Variants in DYM observed in about 807,000 individuals in gnomAD.
DYM encodes the protein dyggve-Melchior-Clausen syndrome protein.
Under a neutral mutation model 93.1 loss-of-function variants are expected in DYM, and 78 were observed. That is an observed-to-expected ratio of 0.84 (90% CI 0.70 to 1.01). The LOEUF (loss-of-function observed/expected upper bound fraction) is 1.01. Among genes scored for constraint, DYM ranks in the 50% least tolerant of loss-of-function variants. DYM has a pLI of 0.00. For missense variants in DYM, 789 were observed against 845.0 expected (o/e 0.93, Z 0.82); for synonymous variants, 321 against 319.7 (o/e 1.00, Z -0.04).
intron 16 of DYM, among the ~76,000 whole-genome samples, chr18:49,100,837 G>A (rs1393015348): frequency 1.3e-5 from 2 of 152,202 alleles, no homozygotes; most frequent in African/African-American, 2.4e-5. Context: ...GCAAGTGGGA[G>A]GAGTAGGACT....
intron 15 of DYM, among the ~76,000 whole-genome samples, chr18:49,134,370 T>C (rs925819419): frequency 1.1e-4 from 16 of 152,230 alleles, no homozygotes; most frequent in Admixed American, 8.5e-4. Flanking sequence ...CACCTCACTT[T>C]ATTTTTCAAG....
rs1022759039 is a variant in DYM, at chr18:49,059,232, G to A, written c.2026-15028C>T. 5.9e-5 allele frequency among the ~76,000 whole-genome samples: 9 copies of A among 152,216 alleles called. No homozygotes were observed. The East Asian group carries it at 1.2e-3, about 20-fold the overall frequency. ...GACACAGCTAGAGGGTGCTGTCTAC[G>A]AACCACAAAGTGGGCCCTCAGCAGA... On this transcript the variant is annotated intron_variant, in intron 17 of 17. Transcript: ENST00000675505.
chr18:49,128,311 G>C (rs8097216), intron 15 of DYM, among the ~76,000 whole-genome samples: 16,162 of 152,162 alleles, frequency 0.11, 1,132 homozygotes, highest in East Asian at 0.26. Flanking sequence ...CCAGAGCTTG[G>C]TGTTCTGTTT....
At chr18:49,410,234 T>G (rs2072073908) in intron 2 of DYM, among the ~76,000 whole-genome samples, 1 of 151,794 alleles carries the variant, frequency 6.6e-6, no homozygotes, top group South Asian at 2.1e-4. Flanking sequence ...CCCAGCAAAT[T>G]TTTTTTTGTA....
chr18:49,134,707 A>C (rs2083672110), intron 15 of DYM, among the ~76,000 whole-genome samples: 1 of 152,228 alleles, frequency 6.6e-6, no homozygotes, highest in Non-Finnish European at 1.5e-5. Context: ...TGTCTTAAGC[A>C]CTGAGAATAG....
chr18:49,323,628 C>T (rs1274478366), intron 8 of DYM, among the ~76,000 whole-genome samples: 2 of 152,180 alleles, frequency 1.3e-5, no homozygotes, highest in Non-Finnish European at 2.9e-5. Context: ...TGGACATCTG[C>T]AAGTCAGGAA....
intron 8 of DYM, among the ~76,000 whole-genome samples, chr18:49,290,710 A>C (rs1043942556): frequency 6.6e-6 from 1 of 152,080 alleles, no homozygotes; most frequent in African/African-American, 2.4e-5. Flanking sequence ...GCAAATACAC[A>C]TATCTATGCA....
rs371845180 is a variant in DYM at position 49,419,368 on chromosome 18, AAAAATAAAAT to A, written c.140+10877_140+10886del. On this transcript the variant is annotated intron_variant, in intron 2 of 17. Coordinates refer to ENST00000675505, the MANE Select transcript of DYM (RefSeq NM_001353214.3). ...AGCAAGACTCTGTCTCAAAAATTAA[AAAAATAAAAT>A]AAAATAAAATAAAATTTGAGTAAAA... 4.2e-4 allele frequency among the ~76,000 whole-genome samples: 64 copies of A among 152,276 alleles called. 1 individual carries two copies. The South Asian group carries it at 0.013, about 31-fold the overall frequency.
At chr18:49,194,868 T>A (rs1191637270) in intron 14 of DYM, among the ~76,000 whole-genome samples, 5 of 152,200 alleles carry the variant, frequency 3.3e-5, no homozygotes, top group African/African-American at 1.2e-4. Flanking sequence ...TCTTATGTTT[T>A]ACCTATATTC....
chr18:49,331,064 A>G (rs2063271762), intron 8 of DYM, among the ~76,000 whole-genome samples: 3 of 152,218 alleles, frequency 2.0e-5, no homozygotes, highest in Admixed American at 6.5e-5. Context: ...GCTGGAGTGT[A>G]GAGCACGCCA....
chr18:49,268,740 TTG>T (rs1214955787), intron 11 of DYM, among the ~76,000 whole-genome samples: 8 of 149,250 alleles, frequency 5.4e-5, no homozygotes, highest in Admixed American at 6.7e-5. Flanking sequence ...CCTTTAAAAT[TTG>T]TGTGTTTTAT....
At chr18:49,175,640 T>C (rs769933346) in intron 14 of DYM, among the ~76,000 whole-genome samples, 4 of 152,188 alleles carry the variant, frequency 2.6e-5, no homozygotes, top group Non-Finnish European at 5.9e-5. Flanking sequence ...CACCACCAGC[T>C]TGCTGACTGT....
Position 49,374,706 on chromosome 18 carries a change from C to T in DYM, c.421+3861G>A, listed in dbSNP as rs557629060. 3.3e-5 allele frequency among the ~76,000 whole-genome samples: 5 copies of T among 152,330 alleles called. No individual in the cohort carries two copies. The South Asian group carries it at 1.0e-3, about 32-fold the overall frequency. On this transcript the variant is annotated intron_variant, in intron 5 of 17. Coordinates refer to ENST00000675505, the MANE Select transcript of DYM (RefSeq NM_001353214.3). ...AGGCCCAGTGGCTCACACCTGTAATCCCAGCACTTTGGGAGGCCGAGGTGG... is the reference window on the plus strand; with the variant it reads ...AGGCCCAGTGGCTCACACCTGTAATTCCAGCACTTTGGGAGGCCGAGGTGG...
chr18:49,365,619 G>T (rs1194608970), intron 5 of DYM, among the ~76,000 whole-genome samples: 1 of 152,068 alleles, frequency 6.6e-6, no homozygotes, highest in Non-Finnish European at 1.5e-5. Flanking sequence ...CATTCTACAG[G>T]ATGCAATGTC....
intron 17 of DYM, among the ~76,000 whole-genome samples, chr18:49,047,080 C>T (rs1221133586): frequency 6.6e-6 from 1 of 152,160 alleles, no homozygotes. Flanking sequence ...GGAGGGTGTT[C>T]TGGCCATTGA....
rs139315641 is a variant in DYM at position 49,115,129 on chromosome 18, T to C, written c.1911+3615A>G. Among the ~76,000 whole-genome samples, 806 of 152,360 alleles carry C rather than the reference T, an allele frequency of 5.3e-3. 12 individuals are homozygous for C. Among genetic ancestry groups the C allele is most frequent in the African/African-American group, 0.019 (781 of 41,590 alleles). ...GAGGGCTAAAATGAAATATACCTCA[T>C]GGTTTATTTTTTAATGAGGATTAAG... On this transcript the variant is annotated intron_variant, in intron 16 of 17. Coordinates refer to ENST00000675505, the MANE Select transcript of DYM (RefSeq NM_001353214.3).
At chr18:49,386,516 G>A (rs1265519677) in intron 3 of DYM, among the ~76,000 whole-genome samples, 1 of 152,118 alleles carries the variant, frequency 6.6e-6, no homozygotes, top group African/African-American at 2.4e-5. Context: ...GTCTAAGCAT[G>A]AGAAAGCCAT....
chr18:49,356,925 A>G (rs989595442), intron 6 of DYM, among the ~76,000 whole-genome samples: 2 of 152,218 alleles, frequency 1.3e-5, no homozygotes, highest in Admixed American at 1.3e-4. Context: ...AATATTTCTA[A>G]TAATTATATT....
At chr18:49,326,536 A>T (rs1384650672) in intron 8 of DYM, among the ~76,000 whole-genome samples, 1 of 152,078 alleles carries the variant, frequency 6.6e-6, no homozygotes, top group Non-Finnish European at 1.5e-5. Flanking sequence ...AAAACTTACT[A>T]GTGGTAATTA....
Sources: gnomAD v4.1 joint callset for allele counts (sites outside exome capture counted in the v4.1 genomes callset) on GRCh38, gnomAD v4.1.1 for gene constraint, MANE v1.5 for transcripts, NCBI Gene and HGNC (gene_info 2026-07-23, HGNC 2026-07-21) for gene names.